Variants in SLC39A6 observed in about 807,000 individuals in gnomAD.
SLC39A6 encodes zinc transporter ZIP6.
Under a neutral mutation model 63.5 loss-of-function variants are expected in SLC39A6, and 51 were observed. The observed-to-expected ratio is 0.80, with a 90% CI of 0.64 to 1.01. The LOEUF (loss-of-function observed/expected upper bound fraction) is 1.01. Ranked by LOEUF, SLC39A6 falls within the 50% of genes least tolerant of loss-of-function variation. The probability of loss-of-function intolerance (pLI) is 0.00; values close to 1 mark genes in which losing one functional copy is unlikely to be tolerated. For missense variants in SLC39A6, 805 were observed against 927.8 expected (o/e 0.87, Z 1.72); for synonymous variants, 318 against 324.7 (o/e 0.98, Z 0.22).
At position 36,128,108 on chromosome 18, in the gene SLC39A6, C is replaced by T. The variant is rs188749889; in HGVS notation, c.-10+1006G>A. On this transcript the variant is annotated intron_variant, in intron 1 of 9. Coordinates refer to ENST00000269187, the MANE Select transcript of SLC39A6 (RefSeq NM_012319.4). The stretch of plus-strand genomic sequence containing the variant: ...AATCATCCACAGTAGTGTTTGGAAC[C>T]AAAGGCCTGTGCCCCAAAGAGGAGG... Among the ~76,000 whole-genome samples the T allele has an allele frequency of 1.5e-3, 228 of 152,296 alleles. 1 individual carries two copies. Among genetic ancestry groups the T allele is most frequent in the Middle Eastern group, 3.4e-3 (1 of 294 alleles).
intron 3 of SLC39A6, 90 bp downstream of exon 3, chr18:36,124,430 G>A (rs1285666177): frequency 3.7e-6 from 3 of 813,510 alleles, no homozygotes; most frequent in African/African-American, 3.4e-5. Flanking sequence ...GAATTGTACT[G>A]GAAAACAAAT....
intron 3 of SLC39A6, among the ~76,000 whole-genome samples, chr18:36,123,978 C>G (rs1307757976): frequency 1.3e-5 from 2 of 151,416 alleles, no homozygotes; most frequent in Admixed American, 6.6e-5. Flanking sequence ...CACTTAGGAA[C>G]TGAGCTTTCA....
In SLC39A6 at chr18:36,124,522, A is replaced by G; in HGVS notation, c.968T>C (p.Ile323Thr). 5 of 1,513,232 alleles carry G rather than the reference A, an allele frequency of 3.3e-6. No homozygotes were observed. The highest frequency in any genetic ancestry group is 4.5e-6 in the Non-Finnish European group (5 of 1,112,274). 93.7% of individuals were successfully genotyped at this position (1,513,232 alleles called of 1,614,324 possible). The part of the protein sequence containing the change: ...EIPPKTYSLQ[I>T]AWVGGFIAIS... Reference sequence around the variant, plus strand: ...TTACATAAAAAAGGCAATTTTACCTATTTGTAATGAATAGGTCTTTGGAGG... The same window carrying G: ...TTACATAAAAAAGGCAATTTTACCTGTTTGTAATGAATAGGTCTTTGGAGG... Residue 323 changes from isoleucine (I) to threonine (T), a missense_variant and splice_region_variant, in exon 3 of 10, where the codon ATA (isoleucine) becomes ACA (threonine). Transcript: ENST00000269187.
intron 5 of SLC39A6, among the ~76,000 whole-genome samples, 195 bp from the exon 6 acceptor site, chr18:36,116,974 C>A (rs1454122104): frequency 6.6e-6 from 1 of 152,210 alleles, no homozygotes; most frequent in Admixed American, 6.5e-5. Context: ...CGCGGCGGCT[C>A]ACGCCTGTAA....
intron 6 of SLC39A6, among the ~76,000 whole-genome samples, chr18:36,116,453 T>C (rs2089346289): frequency 6.6e-6 from 1 of 152,200 alleles, no homozygotes; most frequent in African/African-American, 2.4e-5. Context: ...TTCTTAAACT[T>C]TTCTATGAAT....
chr18:36,113,678 G>A (rs2089320309), intron 7 of SLC39A6, among the ~76,000 whole-genome samples: 1 of 152,122 alleles, frequency 6.6e-6, no homozygotes, highest in Admixed American at 6.6e-5. Flanking sequence ...GATAGAGACT[G>A]GTAACTGGAC....
chr18:36,112,503 A>G lies in SLC39A6; in HGVS notation c.1922T>C (p.Leu641Ser). 1 of 1,609,364 alleles carries G rather than the reference A, an allele frequency of 6.2e-7. No homozygotes were observed. Among genetic ancestry groups the G allele is most frequent in the Non-Finnish European group, 8.5e-7 (1 of 1,176,228 alleles). Reference sequence around the variant, plus strand: ...TACAATTTATGTGGTTCTCTTACCTAATTCATGAGGCAACTCATGACAGAA... The same window carrying G: ...TACAATTTATGTGGTTCTCTTACCTGATTCATGAGGCAACTCATGACAGAA... ...AVFCHELPHE[L>S]GDFAVLLKAG... Residue 641 changes from leucine to serine, a missense_variant and splice_region_variant, in exon 8 of 10, where the codon TTA becomes TCA. Transcript: ENST00000269187.
In SLC39A6 at chr18:36,114,437, G is replaced by A; in HGVS notation, c.1503C>T (p.Pro501=). Residue 501 remains proline, a synonymous_variant, in exon 7 of 10, where the codon CCC becomes CCT. Transcript: ENST00000269187. Reference sequence around the variant, plus strand: ...CAGGCTGCTGAGAATCAAAGTGGGAGGGCTCTTGTGAGTCTGCTCGTAAAT... The same window carrying A: ...CAGGCTGCTGAGAATCAAAGTGGGAAGGCTCTTGTGAGTCTGCTCGTAAAT... ...EGYLRADSQE[P]SHFDSQQPAV... The A allele has an allele frequency of 6.2e-7, 1 of 1,613,788 alleles. No individual in the cohort carries two copies. The highest frequency in any genetic ancestry group is 8.5e-7 in the Non-Finnish European group (1 of 1,179,962).
At chr18:36,110,998 C>T in intron 9 of SLC39A6, 61 bp downstream of exon 9, 1 of 1,593,330 alleles carries the variant, frequency 6.3e-7, no homozygotes. Flanking sequence ...TGAGGCTTTA[C>T]CGAATATTTT....
chr18:36,119,025 G>C (rs2089369971), intron 5 of SLC39A6, among the ~76,000 whole-genome samples: 1 of 152,192 alleles, frequency 6.6e-6, no homozygotes, highest in Admixed American at 6.5e-5. Context: ...CTAGCAGAAG[G>C]TGAACCTTAA....
rs772529178 is a variant in SLC39A6, at chr18:36,126,377, CA to C, written c.630del (p.Gly211GlufsTer8). The C allele has an allele frequency of 6.2e-7, 1 of 1,614,220 alleles. No individual in the cohort carries two copies. The highest frequency in any genetic ancestry group is 1.1e-5 in the South Asian group (1 of 91,090). ...CTTACATCTTTGGGGAAGAGTTTTC[CA>C]GGTCTTGGAGTCTCTATTGTCTCTA... ...HFLETIETPR[P>X]GKLFPKDVSS... On this transcript the variant is annotated frameshift_variant, in exon 2 of 10. Coordinates refer to ENST00000269187, the MANE Select transcript of SLC39A6 (RefSeq NM_012319.4). LOFTEE classifies it high-confidence loss of function.
chr18:36,124,768 C>G, intron 2 of SLC39A6, 68 bp from the exon 3 acceptor site: 1 of 1,166,084 alleles, frequency 8.6e-7, no homozygotes, highest in South Asian at 2.2e-5. Flanking sequence ...TGACACAATA[C>G]CCTTTTTTAC....
At chr18:36,113,444 T>G (rs1202360590) in intron 7 of SLC39A6, among the ~76,000 whole-genome samples, 1 of 152,084 alleles carries the variant, frequency 6.6e-6, no homozygotes, top group East Asian at 1.9e-4. Context: ...CAGCTCTGCA[T>G]AATATAGTAC....
Position 36,124,607 on chromosome 18 carries a change from T to C in SLC39A6, c.883A>G (p.Ile295Val), listed in dbSNP as rs753757516. ...TEFNYLCPAI[I>V]NQIDARSCLI... is the part of the protein sequence containing the mutation. ...CAAGATCTAGCATCAATTTGGTTGA[T>C]GATGGCTGGACAGAGATAGTTGAAC... The change falls in exon 3 of 10, where the codon ATC (isoleucine) becomes GTC (valine). Residue 295 changes from isoleucine to valine, a missense_variant. Transcript: ENST00000269187. The C allele has an allele frequency of 1.9e-6, 3 of 1,599,936 alleles. No homozygotes were observed. Among genetic ancestry groups the C allele is most frequent in the South Asian group, 2.2e-5 (2 of 90,300 alleles).
chr18:36,114,857 GA>G (rs2089331005), intron 6 of SLC39A6, among the ~76,000 whole-genome samples: 1 of 152,022 alleles, frequency 6.6e-6, no homozygotes. Context: ...ATATCTTAGA[GA>G]AGTAATGAAA....
intron 5 of SLC39A6, among the ~76,000 whole-genome samples, chr18:36,119,208 T>C (rs965680876): frequency 6.6e-6 from 1 of 152,222 alleles, no homozygotes; most frequent in African/African-American, 2.4e-5. Flanking sequence ...GATTAAAAAT[T>C]ATTAAGTAAG....
At chr18:36,128,032 G>A (rs1257783824) in intron 1 of SLC39A6, among the ~76,000 whole-genome samples, 4 of 152,174 alleles carry the variant, frequency 2.6e-5, no homozygotes, top group Non-Finnish European at 1.5e-5. Flanking sequence ...AAAACTCACT[G>A]TAGCATCCTT....
In SLC39A6 at chr18:36,115,286, A is replaced by C. The variant is rs544752419; in HGVS notation, c.1466-812T>G. Reference sequence around the variant, plus strand: ...GAAACCCCGTCTCTACTAAAAATACAAAAAAAATAGCCAGGCATGGTGGCG... The same window carrying C: ...GAAACCCCGTCTCTACTAAAAATACCAAAAAAATAGCCAGGCATGGTGGCG... On this transcript the variant is annotated intron_variant, in intron 6 of 9. Coordinates refer to ENST00000269187, the MANE Select transcript of SLC39A6 (RefSeq NM_012319.4). Among the ~76,000 whole-genome samples, 221 of 151,660 alleles carry C rather than the reference A, an allele frequency of 1.5e-3. 1 individual carries two copies. Among genetic ancestry groups the C allele is most frequent in the South Asian group, 0.014 (67 of 4,792 alleles).
At chr18:36,122,423 A>G (rs1396559112) in intron 4 of SLC39A6, among the ~76,000 whole-genome samples, 153 bp from the exon 5 acceptor site, 1 of 152,218 alleles carries the variant, frequency 6.6e-6, no homozygotes, top group African/African-American at 2.4e-5. Flanking sequence ...TAAAAATAAA[A>G]TGACCAATGA....
Sources: gnomAD v4.1 joint callset for allele counts (sites outside exome capture counted in the v4.1 genomes callset) on GRCh38, gnomAD v4.1.1 for gene constraint, MANE v1.5 for transcripts, NCBI Gene and HGNC (gene_info 2026-07-23, HGNC 2026-07-21) for gene names.